The following CDKN2AIP variants were observed in gnomAD, a reference collection of about 807,000 sequenced individuals.
CDKN2AIP encodes CDKN2A-interacting protein.
A neutral mutation model predicts 44.1 loss-of-function variants in CDKN2AIP; 12 were observed. That is an observed-to-expected ratio of 0.27 (90% CI 0.17 to 0.44). CDKN2AIP has a LOEUF of 0.44. CDKN2AIP is among the 20% of genes least tolerant of loss of function. CDKN2AIP has a pLI of 1.00. For synonymous variants in CDKN2AIP, 291 were observed against 272.1 expected (o/e 1.07, Z -0.68); for missense variants, 705 against 681.6 (o/e 1.03, Z -0.38).
At position 183,444,942 on chromosome 4, in the gene CDKN2AIP, G is replaced by C. The variant is rs1395695284; in HGVS notation, c.145G>C (p.Ala49Pro). The change falls in exon 1 of 3, where the codon GCT (alanine) becomes CCT (proline). Residue 49 changes from alanine (A) to proline (P), a missense_variant. Physicochemically the swap from Ala to Pro is conservative, Grantham distance 27. Coordinates refer to ENST00000504169, the MANE Select transcript of CDKN2AIP (RefSeq NM_017632.4). ...LLRNAGDLAP[A>P]GGAASASTDE... ...TCGCAACGCCGGGGACCTGGCCCCCGCTGGCGGCGCTGCCTCCGCTAGCAC... is the reference window on the plus strand; with the variant it reads ...TCGCAACGCCGGGGACCTGGCCCCCCCTGGCGGCGCTGCCTCCGCTAGCAC... 6.2e-7 allele frequency: 1 copy of C among 1,611,248 alleles called. No individual in the cohort carries two copies. The highest frequency in any genetic ancestry group is 1.3e-5 in the African/African-American group (1 of 75,010).
In CDKN2AIP at chr4:183,444,700, T is replaced by C. The variant is rs760678752; in HGVS notation, c.-98T>C. The C allele has an allele frequency of 1.2e-5, 15 of 1,286,152 alleles. No homozygotes were observed. The highest frequency in any genetic ancestry group is 1.6e-5 in the Non-Finnish European group (15 of 965,328). 79.7% of individuals were successfully genotyped at this position (1,286,152 alleles called of 1,614,324 possible). ...TTTAGGCCTGCGGAGGGGCGTTATC[T>C]GGAGGGCCGCGGGTGCAGGCCGCAG... On this transcript the variant is annotated 5_prime_UTR_variant, in exon 1 of 3. Coordinates refer to ENST00000504169, the MANE Select transcript of CDKN2AIP (RefSeq NM_017632.4).
chr4:183,447,332 A>G lies in CDKN2AIP; in HGVS notation c.1648A>G (p.Arg550Gly). Reference protein sequence around the residue: ...VVVKICKRKYRGSEIEDLVLL... With the variant: ...VVVKICKRKYGGSEIEDLVLL... ...GGTAAAAATATGTAAAAGGAAATAC[A>G]GAGGCAGTGAAATAGAAGATCTAGT... is the stretch of plus-strand genomic sequence containing the variant. The change falls in exon 3 of 3, where the codon AGA becomes GGA. Residue 550 changes from arginine (R) to glycine (G), a missense_variant. By Grantham distance (125) the Arg-to-Gly change is moderately radical. Around this residue, in one of 2 missense-constraint regions of CDKN2AIP, gnomAD observed 113 missense variants for 163.6 expected, o/e 0.69. Coordinates refer to ENST00000504169, the MANE Select transcript of CDKN2AIP (RefSeq NM_017632.4). 2 of 1,609,822 alleles carry G rather than the reference A, an allele frequency of 1.2e-6. No individual in the cohort carries two copies. The highest frequency in any genetic ancestry group is 1.7e-6 in the Non-Finnish European group (2 of 1,178,050).
chr4:183,446,530 T>A lies in CDKN2AIP; in HGVS notation c.846T>A (p.Ser282=). ...TGGAAGGCTCTTCAGCCTCAGCTTCTCAAAGCAGCTCAGAGATCGAGGTGC... is the reference window on the plus strand; with the variant it reads ...TGGAAGGCTCTTCAGCCTCAGCTTCACAAAGCAGCTCAGAGATCGAGGTGC... ...SALEGSSASA[S]QSSSEIEVPL... The change falls in exon 3 of 3, where the codon TCT becomes TCA. Residue 282 remains serine (S), a synonymous_variant. Coordinates refer to ENST00000504169, the MANE Select transcript of CDKN2AIP (RefSeq NM_017632.4). The A allele has an allele frequency of 6.2e-7, 1 of 1,613,888 alleles. No individual in the cohort carries two copies. Among genetic ancestry groups the A allele is most frequent in the Non-Finnish European group, 8.5e-7 (1 of 1,179,736 alleles).
At position 183,445,482 on chromosome 4, in the gene CDKN2AIP, A is replaced by T; in HGVS notation, c.273-53A>T. On this transcript the variant is annotated intron_variant, in intron 1 of 2. Coordinates refer to ENST00000504169, the MANE Select transcript of CDKN2AIP (RefSeq NM_017632.4). ...GTCCCTGTGGCCTGTTTTTTGCACA[A>T]GTAGGACCTTAGAAAAAACACTTTT... 4 of 972,868 alleles carry T rather than the reference A, an allele frequency of 4.1e-6. No individual in the cohort carries two copies. In the Admixed American group the frequency reaches 8.5e-5, roughly 21 times the overall value. The allele number at this position is 972,868 out of a possible 1,614,324, so 60.3% of individuals were successfully genotyped here.
At position 183,448,911 on chromosome 4, in the gene CDKN2AIP, TTA is replaced by T. The variant is rs1350104782; in HGVS notation, c.*1487_*1488del. On this transcript the variant is annotated 3_prime_UTR_variant, in exon 3 of 3. Coordinates refer to ENST00000504169, the MANE Select transcript of CDKN2AIP (RefSeq NM_017632.4). Reference sequence around the variant, plus strand: ...TCCATATACTGTAAGTGGGTTGCCTTTATAGATTGCGGGACACAATAACATGA... The same window carrying T: ...TCCATATACTGTAAGTGGGTTGCCTTTAGATTGCGGGACACAATAACATGA... Among the ~76,000 whole-genome samples the T allele has an allele frequency of 1.3e-5, 2 of 152,276 alleles. No individual in the cohort carries two copies. The highest frequency in any genetic ancestry group is 1.3e-4 in the Admixed American group (2 of 15,292).
chr4:183,446,638 G>T lies in CDKN2AIP; in HGVS notation c.954G>T (p.Gly318=). ...CTAGTTCAGAGACAGCTTCAAGTGG[G>T]TTAACTTCCAAAACTAGTTCAGAGG... ...SKPSSETASS[G]LTSKTSSEAS... is the part of the protein sequence containing the mutation. The change falls in exon 3 of 3, where the codon GGG becomes GGT. Residue 318 remains glycine, a synonymous_variant. Coordinates refer to ENST00000504169, the MANE Select transcript of CDKN2AIP (RefSeq NM_017632.4). The T allele has an allele frequency of 6.2e-7, 1 of 1,614,054 alleles. No homozygotes were observed. Among genetic ancestry groups the T allele is most frequent in the Non-Finnish European group, 8.5e-7 (1 of 1,179,894 alleles).
rs774290649 is a variant in CDKN2AIP at position 183,447,392 on chromosome 4, C to G, written c.1708C>G (p.Pro570Ala). Residue 570 changes from proline to alanine, a missense_variant, in exon 3 of 3, where the codon CCT becomes GCT. Physicochemically the swap from Pro to Ala is conservative, Grantham distance 27. Coordinates refer to ENST00000504169, the MANE Select transcript of CDKN2AIP (RefSeq NM_017632.4). ...TGAAGAATCGAGGCCTGTAAACTTA[C>G]CTCCAGCACTAAAACATCCTCAAGA... ...LDEESRPVNL[P>A]PALKHPQELL 4.5e-6 allele frequency: 7 copies of G among 1,548,018 alleles called. No homozygotes were observed. The highest frequency in any genetic ancestry group is 6.1e-6 in the Non-Finnish European group (7 of 1,152,082).
chr4:183,447,170 A>T lies in CDKN2AIP; in HGVS notation c.1486A>T (p.Ser496Cys), dbSNP rs769703165. Residue 496 changes from serine (S) to cysteine (C), a missense_variant, in exon 3 of 3, where the codon AGC becomes TGC. By Grantham distance (112) the Ser-to-Cys change is moderately radical (BLOSUM62 -1). This residue lies in a region of CDKN2AIP where 113 missense variants were observed against 163.6 expected (regional missense o/e 0.69). Coordinates refer to ENST00000504169, the MANE Select transcript of CDKN2AIP (RefSeq NM_017632.4). ...KELADLPQNK[S>C]SQESIVCELR... ...ATTGGCAGATCTGCCTCAAAATAAG[A>T]GCTCTCAAGAAAGTATTGTTTGTGA... 2 of 1,614,144 alleles carry T rather than the reference A, an allele frequency of 1.2e-6. No individual in the cohort carries two copies. Among genetic ancestry groups the T allele is most frequent in the South Asian group, 2.2e-5 (2 of 91,072 alleles).
Position 183,447,519 on chromosome 4 carries a change from G to A in CDKN2AIP, c.*92G>A. 1 of 912,256 alleles carries A rather than the reference G, an allele frequency of 1.1e-6. No individual in the cohort carries two copies. The highest frequency in any genetic ancestry group is 1.6e-6 in the Non-Finnish European group (1 of 615,160). The allele number at this position is 912,256 out of a possible 1,614,324, so 56.5% of individuals were successfully genotyped here. A position where few individuals can be genotyped will look rare whatever the true frequency, so the allele number is the denominator to read the frequency against. ...TAAAACACAGGCTTTCACAAATTTTGTATTGCTTTTTTTCCAGTTTTGCAG... is the reference window on the plus strand; with the variant it reads ...TAAAACACAGGCTTTCACAAATTTTATATTGCTTTTTTTCCAGTTTTGCAG... On this transcript the variant is annotated 3_prime_UTR_variant, in exon 3 of 3. Coordinates refer to ENST00000504169, the MANE Select transcript of CDKN2AIP (RefSeq NM_017632.4).
chr4:183,444,741 C>T lies in CDKN2AIP; in HGVS notation c.-57C>T, dbSNP rs1187111374. 7 of 1,453,804 alleles carry T rather than the reference C, an allele frequency of 4.8e-6. No homozygotes were observed. The highest frequency in any genetic ancestry group is 2.5e-5 in the Admixed American group (1 of 40,148). The allele number at this position is 1,453,804 out of a possible 1,614,324, so 90.1% of individuals were successfully genotyped here. A position where few individuals can be genotyped will look rare whatever the true frequency, so the allele number is the denominator to read the frequency against. On this transcript the variant is annotated 5_prime_UTR_variant, in exon 1 of 3. Coordinates refer to ENST00000504169, the MANE Select transcript of CDKN2AIP (RefSeq NM_017632.4). ...CAGGCCGCAGTGACAGGGCCGCTCG[C>T]CCCGCTAGTCCTGCCTGTCTCCCGG...
Position 183,446,956 on chromosome 4 carries a change from C to G in CDKN2AIP, c.1272C>G (p.Phe424Leu), listed in dbSNP as rs138463372. Residue 424 changes from phenylalanine to leucine, a missense_variant, in exon 3 of 3, where the codon TTC becomes TTG. Transcript: ENST00000504169. ...AGTCAAGTGAGAGTTCTGTCAAATTCTCTTGCAAGTTAACCAATGAAGATG... is the reference window on the plus strand; with the variant it reads ...AGTCAAGTGAGAGTTCTGTCAAATTGTCTTGCAAGTTAACCAATGAAGATG... ...TSQSSESSVKFSCKLTNEDVK... is the reference protein window; with the variant it reads ...TSQSSESSVKLSCKLTNEDVK... The G allele has an allele frequency of 2.5e-6, 4 of 1,614,088 alleles. No individual in the cohort carries two copies. The highest frequency in any genetic ancestry group is 3.3e-5 in the Admixed American group (2 of 60,012).
chr4:183,444,943 C>G lies in CDKN2AIP; in HGVS notation c.146C>G (p.Ala49Gly), dbSNP rs1429264126. ...CGCAACGCCGGGGACCTGGCCCCCG[C>G]TGGCGGCGCTGCCTCCGCTAGCACG... ...LLRNAGDLAP[A>G]GGAASASTDE... Residue 49 changes from alanine to glycine, a missense_variant, in exon 1 of 3, where the codon GCT becomes GGT. Transcript: ENST00000504169. The G allele has an allele frequency of 3.1e-6, 5 of 1,611,416 alleles. No individual in the cohort carries two copies. The highest frequency in any genetic ancestry group is 4.5e-5 in the East Asian group (2 of 44,858).
rs1315854604 is a variant in CDKN2AIP at position 183,447,902 on chromosome 4, TAAAAG to T, written c.*480_*484del. ...AATGTTGAACGTGTCTGTTAAAAAATAAAAGAAAAAATAGTTGCTTCAAACTATTT... is the reference window on the plus strand; with the variant it reads ...AATGTTGAACGTGTCTGTTAAAAAATAAAAAATAGTTGCTTCAAACTATTT... On this transcript the variant is annotated 3_prime_UTR_variant, in exon 3 of 3. Coordinates refer to ENST00000504169, the MANE Select transcript of CDKN2AIP (RefSeq NM_017632.4). 5 of 152,350 alleles carry T rather than the reference TAAAAG, an allele frequency of 3.3e-5. No individual in the cohort carries two copies. Among genetic ancestry groups the T allele is most frequent in the East Asian group, 1.9e-4 (1 of 5,198 alleles). The allele number at this position is 152,350 out of a possible 1,614,324, so 9.4% of individuals were successfully genotyped here.
chr4:183,447,546 A>T lies in CDKN2AIP; in HGVS notation c.*119A>T. 1.5e-6 allele frequency: 1 copy of T among 682,422 alleles called. No individual in the cohort carries two copies. The highest frequency in any genetic ancestry group is 2.5e-6 in the Non-Finnish European group (1 of 407,978). The allele number at this position is 682,422 out of a possible 1,614,324, so 42.3% of individuals were successfully genotyped here. ...ATTGCTTTTTTTCCAGTTTTGCAGA[A>T]AATTTACATTCTAGTTCTCTTCACA... On this transcript the variant is annotated 3_prime_UTR_variant, in exon 3 of 3. Coordinates refer to ENST00000504169, the MANE Select transcript of CDKN2AIP (RefSeq NM_017632.4).
At position 183,444,945 on chromosome 4, in the gene CDKN2AIP, G is replaced by A. The variant is rs865970965; in HGVS notation, c.148G>A (p.Gly50Ser). Residue 50 changes from glycine (G) to serine (S), a missense_variant, in exon 1 of 3, where the codon GGC (glycine) becomes AGC (serine). Physicochemically the swap from Gly to Ser is moderately conservative, Grantham distance 56 (BLOSUM62 0). Coordinates refer to ENST00000504169, the MANE Select transcript of CDKN2AIP (RefSeq NM_017632.4). ...LRNAGDLAPA[G>S]GAASASTDEA... ...CAACGCCGGGGACCTGGCCCCCGCT[G>A]GCGGCGCTGCCTCCGCTAGCACGGA... The A allele has an allele frequency of 3.7e-6, 6 of 1,611,368 alleles. No individual in the cohort carries two copies. Among genetic ancestry groups the A allele is most frequent in the Middle Eastern group, 1.7e-4 (1 of 6,042 alleles).
chr4:183,447,886 C>T lies in CDKN2AIP; in HGVS notation c.*459C>T, dbSNP rs1338852749. On this transcript the variant is annotated 3_prime_UTR_variant, in exon 3 of 3. Coordinates refer to ENST00000504169, the MANE Select transcript of CDKN2AIP (RefSeq NM_017632.4). The stretch of plus-strand genomic sequence containing the variant: ...TAAAAATGTTGCCCGTAATGTTGAA[C>T]GTGTCTGTTAAAAAATAAAAGAAAA... 3 of 152,636 alleles carry T rather than the reference C, an allele frequency of 2.0e-5. No homozygotes were observed. The highest frequency in any genetic ancestry group is 7.2e-5 in the African/African-American group (3 of 41,518). 9.5% of individuals were successfully genotyped at this position (152,636 alleles called of 1,614,324 possible). A position where few individuals can be genotyped will look rare whatever the true frequency, so the allele number is the denominator to read the frequency against.
chr4:183,446,786 G>A lies in CDKN2AIP; in HGVS notation c.1102G>A (p.Ala368Thr), dbSNP rs1560949004. The change falls in exon 3 of 3, where the codon GCA becomes ACA. Residue 368 changes from alanine (A) to threonine (T), a missense_variant. Transcript: ENST00000504169. ...LTSKSTSQVA[A>T]SLLASKSSSQ... ...TTCCAAGAGCACTTCCCAGGTAGCTGCATCACTACTAGCTTCCAAGAGCAG... is the reference window on the plus strand; with the variant it reads ...TTCCAAGAGCACTTCCCAGGTAGCTACATCACTACTAGCTTCCAAGAGCAG... 6.2e-7 allele frequency: 1 copy of A among 1,614,144 alleles called. No individual in the cohort carries two copies. Among genetic ancestry groups the A allele is most frequent in the Non-Finnish European group, 8.5e-7 (1 of 1,180,022 alleles).
Position 183,447,202 on chromosome 4 carries a change from G to A in CDKN2AIP, c.1518G>A (p.Arg506=), listed in dbSNP as rs1471480561. 1 of 1,613,644 alleles carries A rather than the reference G, an allele frequency of 6.2e-7. No homozygotes were observed. The highest frequency in any genetic ancestry group is 2.2e-5 in the East Asian group (1 of 44,880). The change falls in exon 3 of 3, where the codon AGG becomes AGA. Residue 506 remains arginine, a synonymous_variant. Transcript: ENST00000504169. ...AAGAAAGTATTGTTTGTGAATTGAG[G>A]TGCAAGTCTGTGTATTTGGGCACTG... is the stretch of plus-strand genomic sequence containing the variant. ...SSQESIVCEL[R]CKSVYLGTGC...
In CDKN2AIP at chr4:183,446,218, T is replaced by TCTA. The variant is rs770365259; in HGVS notation, c.534_535insCTA (p.Cys178_Ile179insLeu). The TCTA allele has an allele frequency of 3.1e-6, 5 of 1,614,046 alleles. No individual in the cohort carries two copies. The highest frequency in any genetic ancestry group is 4.2e-6 in the Non-Finnish European group (5 of 1,180,018). ...CTCAGCAGGAAAACAGTTCAACGTG[T>TCTA]ATAGGGTCGGCCATCAAATCAGAGA... On this transcript the variant is annotated inframe_insertion, in exon 3 of 3. Transcript: ENST00000504169.
Sources: allele counts gnomAD v4.1 joint callset (sites outside exome capture counted in the v4.1 genomes callset), GRCh38; gene constraint gnomAD v4.1.1; regional missense constraint gnomAD v4.1.1; transcripts MANE v1.5; gene names NCBI Gene and HGNC (gene_info 2026-07-23, HGNC 2026-07-21).